PALM: variants seen among roughly 807,000 people sequenced by gnomAD.
The protein encoded by PALM is paralemmin.
In PALM, 18 loss-of-function variants were observed where a neutral mutation model predicts 30.7. The observed-to-expected ratio is 0.59, with a 90% CI of 0.41 to 0.87. The LOEUF is 0.87. Among genes scored for constraint, PALM ranks in the 40% least tolerant of loss-of-function variants. The pLI is 0.00. For synonymous variants in PALM, 286 were observed against 242.8 expected (o/e 1.18, Z -1.66); for missense variants, 529 against 555.4 (o/e 0.95, Z 0.48).
At chr19:735,850 G>A (rs113451587) in intron 6 of PALM, among the ~76,000 whole-genome samples, 169 bp from the exon 7 acceptor site, 10 of 146,762 alleles carry the variant, frequency 6.8e-5, no homozygotes, top group South Asian at 2.2e-4. Flanking sequence ...GCCTGTCTGG[G>A]TGTCTGGGGG....
At chr19:737,304 C>T (rs2033051853) in intron 7 of PALM, among the ~76,000 whole-genome samples, 1 of 152,226 alleles carries the variant, frequency 6.6e-6, no homozygotes, top group African/African-American at 2.4e-5. Context: ...TGGCCACTGA[C>T]TTTGTGCAGT....
chr19:716,035 C>T (rs1230663558), intron 1 of PALM, among the ~76,000 whole-genome samples: 1 of 152,018 alleles, frequency 6.6e-6, no homozygotes, highest in Non-Finnish European at 1.5e-5. Flanking sequence ...AGCAGAAATT[C>T]AGGGACAGTC....
At chr19:736,582 G>A (rs964269233) in intron 7 of PALM, among the ~76,000 whole-genome samples, 1 of 152,154 alleles carries the variant, frequency 6.6e-6, no homozygotes, top group South Asian at 2.1e-4. Context: ...AGTGCCACAC[G>A]GTGCTCAAGT....
chr19:712,572 A>T (rs1413198942), intron 1 of PALM, among the ~76,000 whole-genome samples: 2 of 147,838 alleles, frequency 1.4e-5, no homozygotes, highest in African/African-American at 5.0e-5. Flanking sequence ...TTTGGTAGAG[A>T]CAGGGTTTCA....
chr19:719,534 C>T (rs956180119), intron 1 of PALM: 15 of 985,366 alleles, frequency 1.5e-5, no homozygotes, highest in African/African-American at 1.7e-5. Flanking sequence ...CAGGGAGGCT[C>T]GGAGACCCAG....
Position 719,480 on chromosome 19 carries a change from C to G in PALM, c.6-6658C>G, listed in dbSNP as rs768112521. ...TGTGCGCGCCGGGGTGGGCGTCGGGCGGGGGGCGTGGCGCTCCAGGGGCTC... is the reference window on the plus strand; with the variant it reads ...TGTGCGCGCCGGGGTGGGCGTCGGGGGGGGGGCGTGGCGCTCCAGGGGCTC... On this transcript the variant is annotated intron_variant, in intron 1 of 8. Coordinates refer to ENST00000338448, the MANE Select transcript of PALM (RefSeq NM_002579.3). 2.9e-5 allele frequency: 29 copies of G among 984,976 alleles called. No individual in the cohort carries two copies. In the African/African-American group the frequency reaches 4.7e-4, roughly 16 times the overall value. 61.0% of individuals were successfully genotyped at this position (984,976 alleles called of 1,614,324 possible).
intron 2 of PALM, 67 bp from the exon 3 acceptor site, chr19:726,941 G>T: frequency 1.0e-6 from 1 of 995,028 alleles, no homozygotes; most frequent in Non-Finnish European, 1.5e-6. Flanking sequence ...GCAGAGCCTT[G>T]TGTGGGGGTG....
At chr19:728,730 G>A (rs1230311574) in intron 4 of PALM, among the ~76,000 whole-genome samples, 9 of 152,018 alleles carry the variant, frequency 5.9e-5, no homozygotes, top group Non-Finnish European at 1.2e-4. Flanking sequence ...AAGGCCAGGC[G>A]CGGTGGCTCA....
intron 1 of PALM, chr19:719,684 G>A (rs117757692): frequency 0.027 from 25,741 of 936,858 alleles, 402 homozygotes; most frequent in East Asian, 0.062. Flanking sequence ...TCCGACCTCC[G>A]CTTCCTTCCG....
Position 727,562 on chromosome 19 carries a change from A to T in PALM, c.139-2A>T, listed in dbSNP as rs150178995. On this transcript the variant is annotated splice_acceptor_variant, in intron 3 of 8. Coordinates refer to ENST00000338448, the MANE Select transcript of PALM (RefSeq NM_002579.3). LOFTEE classifies it high-confidence loss of function. ...ACTCTGACCTGGATCCCTGCTGCTC[A>T]GTCCAAGGCACTGCGGGAGCGCTGG... 1 of 1,586,312 alleles carries T rather than the reference A, an allele frequency of 6.3e-7. No homozygotes were observed. The highest frequency in any genetic ancestry group is 8.6e-7 in the Non-Finnish European group (1 of 1,166,844).
At chr19:738,042 GC>G (rs2033073875) in intron 7 of PALM, among the ~76,000 whole-genome samples, 1 of 152,122 alleles carries the variant, frequency 6.6e-6, no homozygotes. Flanking sequence ...CGAGCAGTGG[GC>G]GGTTCCTTAT....
intron 7 of PALM, among the ~76,000 whole-genome samples, chr19:738,044 G>A (rs966302657): frequency 1.3e-5 from 2 of 152,082 alleles, no homozygotes; most frequent in African/African-American, 2.4e-5. Flanking sequence ...AGCAGTGGGC[G>A]GTTCCTTATG....
In PALM at chr19:746,306, C is replaced by T. The variant is rs778431838; in HGVS notation, c.656C>T (p.Thr219Ile). ...ACAGTGGTCCATGCTGTGGACGGCACCGCCGAGAACGGGATCCACCCCCTG... is the reference window on the plus strand; with the variant it reads ...ACAGTGGTCCATGCTGTGGACGGCATCGCCGAGAACGGGATCCACCCCCTG... The part of the protein sequence containing the change: ...ETKVVHAVDG[T>I]AENGIHPLSS... The change falls in exon 9 of 9, where the codon ACC (threonine) becomes ATC (isoleucine). Residue 219 changes from threonine to isoleucine, a missense_variant. Coordinates refer to ENST00000338448, the MANE Select transcript of PALM (RefSeq NM_002579.3). The surrounding 1 kb of genome is among the most constrained non-coding windows in gnomAD (Gnocchi z 7.1). 6.2e-7 allele frequency: 1 copy of T among 1,613,414 alleles called. No individual in the cohort carries two copies. The highest frequency in any genetic ancestry group is 1.1e-5 in the South Asian group (1 of 91,072).
Position 726,214 on chromosome 19 carries a change from G to A in PALM, c.57+25G>A, listed in dbSNP as rs371850222. On this transcript the variant is annotated intron_variant, in intron 2 of 8. Transcript: ENST00000338448. ...AGTGAGTTTCCGCCGCCCCGCAGAC[G>A]GTGTGGTCAGGGTGGGGAAGTGGGG... 196 of 1,609,056 alleles carry A rather than the reference G, an allele frequency of 1.2e-4. 3 individuals are homozygous for A. The highest frequency in any genetic ancestry group is 8.7e-4 in the South Asian group (79 of 90,968).
intron 1 of PALM, among the ~76,000 whole-genome samples, chr19:716,960 C>G (rs1184077394): frequency 6.6e-6 from 1 of 150,816 alleles, no homozygotes; most frequent in Admixed American, 6.6e-5. Flanking sequence ...GAGACAGAGT[C>G]TCTCTGTCAC....
At chr19:737,942 T>G (rs1486332937) in intron 7 of PALM, among the ~76,000 whole-genome samples, 1 of 152,084 alleles carries the variant, frequency 6.6e-6, no homozygotes, top group African/African-American at 2.4e-5. Flanking sequence ...CCACGCCCTC[T>G]GGTGACTGCA....
intron 1 of PALM, among the ~76,000 whole-genome samples, chr19:711,708 T>G (rs1478131467): frequency 6.6e-6 from 1 of 152,220 alleles, no homozygotes; most frequent in Non-Finnish European, 1.5e-5. Context: ...ATAATGTTTC[T>G]TTCTAAAACA....
intron 1 of PALM, chr19:719,688 C>T: frequency 1.1e-6 from 1 of 905,944 alleles, no homozygotes; most frequent in Non-Finnish European, 1.3e-6. Context: ...ACCTCCGCTT[C>T]CTTCCGTGAC....
intron 1 of PALM, among the ~76,000 whole-genome samples, chr19:725,001 C>G (rs2032612836): frequency 6.6e-6 from 1 of 151,706 alleles, no homozygotes; most frequent in Non-Finnish European, 1.5e-5. Flanking sequence ...CTCACTGCAG[C>G]CTCGACCTCC....
Sources: gnomAD v4.1 joint callset for allele counts (sites outside exome capture counted in the v4.1 genomes callset) on GRCh38, gnomAD v4.1.1 for gene constraint, Gnocchi (gnomAD v3.1) non-coding constraint, MANE v1.5 for transcripts, NCBI Gene and HGNC (gene_info 2026-07-23, HGNC 2026-07-21) for gene names.